WWOX: variants seen among roughly 807,000 people sequenced by gnomAD.
WWOX encodes the protein WW domain containing oxidoreductase.
Under a neutral mutation model 46.2 loss-of-function variants are expected in WWOX, and 69 were observed. That is an observed-to-expected ratio of 1.49 (90% CI 1.23 to 1.82). WWOX has a LOEUF of 1.82. Among genes scored for constraint, WWOX ranks in the 40% most tolerant of loss-of-function variants. WWOX has a pLI of 0.00. For missense variants in WWOX, 919 were observed against 542.6 expected (o/e 1.69, Z -6.89); for synonymous variants, 359 against 202.6 (o/e 1.77, Z -6.56).
intron 8 of WWOX, among the ~76,000 whole-genome samples, chr16:78,509,622 A>T (rs572115946): frequency 2.0e-5 from 3 of 152,246 alleles, no homozygotes; most frequent in Non-Finnish European, 4.4e-5. Flanking sequence ...AGGGATACCA[A>T]CTTGGGTGCT....
intron 8 of WWOX, among the ~76,000 whole-genome samples, chr16:78,511,312 C>T (rs1030081759): frequency 1.3e-5 from 2 of 152,178 alleles, no homozygotes. Context: ...CACAGGGATG[C>T]CTTCGGTCCA....
intron 6 of WWOX, among the ~76,000 whole-genome samples, chr16:78,422,678 TATATATAC>T (rs1221001477): frequency 0.04 from 3,094 of 77,632 alleles, 400 homozygotes; most frequent in African/African-American, 0.096. Flanking sequence ...TATATATATA[TATATATAC>T]ACACACACAC....
chr16:79,012,117 C>T (rs961262571), intron 8 of WWOX, among the ~76,000 whole-genome samples: 7 of 152,156 alleles, frequency 4.6e-5, no homozygotes, highest in Admixed American at 6.5e-5. Flanking sequence ...GCTCTCGGCC[C>T]GCGCTGTCCA....
intron 5 of WWOX, among the ~76,000 whole-genome samples, chr16:78,200,534 G>T (rs2036197113): frequency 6.7e-6 from 1 of 150,206 alleles, no homozygotes; most frequent in Non-Finnish European, 1.5e-5. Flanking sequence ...ACACCATAAA[G>T]TATCACAAAA....
rs575544092 is a variant in WWOX, at chr16:79,074,630, G to A, written c.1057-136978G>A. On this transcript the variant is annotated intron_variant, in intron 8 of 8. Coordinates refer to ENST00000566780, the MANE Select transcript of WWOX (RefSeq NM_016373.4). Reference sequence around the variant, plus strand: ...AGCTAGGAATACTAAGAACCTAAGAGTCTCCATGAGGATTAGATGAGGTAA... The same window carrying A: ...AGCTAGGAATACTAAGAACCTAAGAATCTCCATGAGGATTAGATGAGGTAA... Among the ~76,000 whole-genome samples, 9 of 151,778 alleles carry A rather than the reference G, an allele frequency of 5.9e-5. No individual in the cohort carries two copies. In the South Asian group the frequency reaches 1.9e-3, roughly 32 times the overall value.
intron 5 of WWOX, among the ~76,000 whole-genome samples, chr16:78,317,644 G>T (rs1168632774): frequency 2.6e-5 from 4 of 151,970 alleles, no homozygotes; most frequent in African/African-American, 4.8e-5. Flanking sequence ...GTGTTTTTTC[G>T]AAGTCTGCCT....
At chr16:78,598,568 C>G (rs991344106) in intron 8 of WWOX, among the ~76,000 whole-genome samples, 3 of 152,086 alleles carry the variant, frequency 2.0e-5, no homozygotes, top group African/African-American at 7.2e-5. Context: ...GCTCTCAGGT[C>G]GGTGCCATCG....
chr16:78,119,813 G>C (rs1597226224), intron 4 of WWOX, among the ~76,000 whole-genome samples: 1 of 152,108 alleles, frequency 6.6e-6, no homozygotes, highest in Admixed American at 6.5e-5. Context: ...CTACTCTTCT[G>C]TGGTAATGAT....
chr16:78,665,795 C>T (rs1486075812), intron 8 of WWOX, among the ~76,000 whole-genome samples: 1 of 152,132 alleles, frequency 6.6e-6, no homozygotes, highest in Non-Finnish European at 1.5e-5. Flanking sequence ...AGTGATTCTC[C>T]TACCTCAGAC....
Position 78,383,589 on chromosome 16 carries a change from A to G in WWOX, c.517-3271A>G, listed in dbSNP as rs561108573. On this transcript the variant is annotated intron_variant, in intron 5 of 8. Coordinates refer to ENST00000566780, the MANE Select transcript of WWOX (RefSeq NM_016373.4). ...CAGCCACTACCTTCTTATTTAGAGC[A>G]TGTCCCACTACAAACATTTCTATAA... is the stretch of plus-strand genomic sequence containing the variant. Among the ~76,000 whole-genome samples the G allele has an allele frequency of 3.5e-4, 53 of 152,274 alleles. No homozygotes were observed. The South Asian group carries it at 0.011, about 30-fold the overall frequency.
chr16:78,877,285 C>CT (rs1002113618), intron 8 of WWOX, among the ~76,000 whole-genome samples: 5 of 145,072 alleles, frequency 3.4e-5, no homozygotes, highest in Non-Finnish European at 6.1e-5. Context: ...GCCTCCCCCC[C>CT]TCTGACCCGC....
intron 5 of WWOX, among the ~76,000 whole-genome samples, chr16:78,304,091 G>A (rs1384248053): frequency 4.6e-5 from 7 of 152,072 alleles, no homozygotes; most frequent in Admixed American, 1.3e-4. Flanking sequence ...ACATAGCTTC[G>A]GTGCTCCTTC....
At chr16:78,175,480 G>T (rs1190017529) in intron 5 of WWOX, among the ~76,000 whole-genome samples, 1 of 152,172 alleles carries the variant, frequency 6.6e-6, no homozygotes, top group Non-Finnish European at 1.5e-5. Flanking sequence ...TCCTGAGGTA[G>T]GTCCTAAAGG....
At chr16:78,638,895 A>G (rs1597381383) in intron 8 of WWOX, among the ~76,000 whole-genome samples, 1 of 152,270 alleles carries the variant, frequency 6.6e-6, no homozygotes, top group East Asian at 1.9e-4. Context: ...TAGGCATGGA[A>G]AAAGAACTTT....
chr16:78,312,497 C>T (rs540057433), intron 5 of WWOX, among the ~76,000 whole-genome samples: 1 of 151,864 alleles, frequency 6.6e-6, no homozygotes, highest in African/African-American at 2.4e-5. Context: ...GCCTCAGCCT[C>T]CTGAGTAGCT....
At chr16:78,345,960 A>G (rs538969799) in intron 5 of WWOX, among the ~76,000 whole-genome samples, 1 of 108,812 alleles carries the variant, frequency 9.2e-6, no homozygotes, top group Non-Finnish European at 2.0e-5. Context: ...CAACACGAAA[A>G]TAAAAAAAAT....
chr16:78,142,234 C>T (rs1277025552), intron 4 of WWOX, among the ~76,000 whole-genome samples: 1 of 152,110 alleles, frequency 6.6e-6, no homozygotes. Flanking sequence ...CTTTGCAACA[C>T]TTTCAACAGC....
At chr16:78,314,712 T>TGG (rs1215954521) in intron 5 of WWOX, among the ~76,000 whole-genome samples, 1 of 138,494 alleles carries the variant, frequency 7.2e-6, no homozygotes, top group African/African-American at 3.0e-5. Flanking sequence ...TTTTTTTTTT[T>TGG]TTTTTTTTTC....
At chr16:78,555,393 C>T (rs1441691546) in intron 8 of WWOX, among the ~76,000 whole-genome samples, 1 of 152,040 alleles carries the variant, frequency 6.6e-6, no homozygotes, top group Non-Finnish European at 1.5e-5. Flanking sequence ...ACTTGGAAGG[C>T]GATGTGTATA....
Sources: gnomAD v4.1 joint callset for allele counts (sites outside exome capture counted in the v4.1 genomes callset) on GRCh38, gnomAD v4.1.1 for gene constraint, MANE v1.5 for transcripts, NCBI Gene and HGNC (gene_info 2026-07-23, HGNC 2026-07-21) for gene names.